SLFN13: variants seen among roughly 807,000 people sequenced by gnomAD.
The protein encoded by SLFN13 is schlafen family member 13, also known as schlafen-13.
A neutral mutation model predicts 50.6 loss-of-function variants in SLFN13; 43 were observed. That is an observed-to-expected ratio of 0.85 (90% CI 0.67 to 1.09). The LOEUF (loss-of-function observed/expected upper bound fraction) is 1.09. Ranked by LOEUF, SLFN13 falls within the 50% of genes least tolerant of loss-of-function variation. SLFN13 has a pLI of 0.00. For missense variants in SLFN13, 881 were observed against 1,071.1 expected, an observed-to-expected ratio of 0.82 and a Z score of 2.48; for synonymous variants, 339 against 386.5, an observed-to-expected ratio of 0.88 and a Z score of 1.44.
chr17:35,441,868 A>G lies in SLFN13; in HGVS notation c.1617T>C (p.Tyr539=). The change falls in exon 5 of 6, where the codon TAT becomes TAC. Residue 539 remains tyrosine (Y), a synonymous_variant. Transcript: ENST00000285013. ...AVSPMDYPAS[Y]SLAGTQHMEA... ...CCATGTGCTGGGTGCCTGCAAGGCT[A>G]TAGGACGCAGGGTAATCCATCGGAG... 6.4e-7 allele frequency: 1 copy of G among 1,574,720 alleles called. No individual in the cohort carries two copies. Among genetic ancestry groups the G allele is most frequent in the East Asian group, 2.3e-5 (1 of 43,856 alleles).
Position 35,441,076 on chromosome 17 carries a change from G to T in SLFN13, c.2213C>A (p.Ala738Asp). The change falls in exon 6 of 6, where the codon GCC (alanine) becomes GAC (aspartate). Residue 738 changes from alanine (A) to aspartate (D), a missense_variant. By Grantham distance (126) the Ala-to-Asp change is moderately radical. Transcript: ENST00000285013. ...TTGCATTTCTTGTTGTATGTACTCG[G>T]CTATTTCATCTGCATTGCGAACTAC... ...TRVVRNADEI[A>D]EYIQQEMQLI... 1 of 1,613,850 alleles carries T rather than the reference G, an allele frequency of 6.2e-7. No individual in the cohort carries two copies. The highest frequency in any genetic ancestry group is 8.5e-7 in the Non-Finnish European group (1 of 1,179,992).
upstream of SLFN13, among the ~76,000 whole-genome samples, chr17:35,449,194 CGCACCACT>C (rs1913381251): frequency 6.6e-6 from 1 of 151,588 alleles, no homozygotes; most frequent in South Asian, 2.1e-4. Context: ...GAGTCGAGAT[CGCACCACT>C]GCACTCCAGC....
intron 1 of SLFN13, chr17:35,448,288 A>T (rs1913332728): frequency 6.6e-6 from 1 of 152,298 alleles, no homozygotes; most frequent in South Asian, 2.1e-4. Flanking sequence ...CAACGGGGGA[A>T]GCCTCCAGGA....
At chr17:35,441,473 C>T in intron 5 of SLFN13, 90 bp downstream of exon 5, 1 of 1,594,070 alleles carries the variant, frequency 6.3e-7, no homozygotes, top group African/African-American at 1.4e-5. Context: ...GATCATTTTA[C>T]CACTCAATTC....
chr17:35,446,274 A>G (rs1913210190), intron 2 of SLFN13, among the ~76,000 whole-genome samples: 1 of 152,234 alleles, frequency 6.6e-6, no homozygotes, highest in Admixed American at 6.5e-5. Flanking sequence ...AGGTTTTAAG[A>G]TGTCTAATAC....
rs1398539991 is a variant in SLFN13, at chr17:35,435,110, T to C, written c.*5485A>G. The C allele has an allele frequency of 2.0e-5, 3 of 152,140 alleles. No homozygotes were observed. Among genetic ancestry groups the C allele is most frequent in the African/African-American group, 7.2e-5 (3 of 41,458 alleles). 9.4% of individuals were successfully genotyped at this position (152,140 alleles called of 1,614,324 possible). ...AAACATTCACAGAACTTTTAAATTA[T>C]GTTTTTATTAACTATTGAGTAGAAA... On this transcript the variant is annotated 3_prime_UTR_variant, in exon 6 of 6. Transcript: ENST00000285013.
rs1912619024 is a variant in SLFN13, at chr17:35,435,315, G to A, written c.*5280C>T. On this transcript the variant is annotated 3_prime_UTR_variant, in exon 6 of 6. Coordinates refer to ENST00000285013, the MANE Select transcript of SLFN13 (RefSeq NM_144682.6). ...GTGTTTTGCGGGGAGGGGGTTGGGG[G>A]GTTGTTCTGGTTGTTTTTAGCCCAC... The A allele has an allele frequency of 6.6e-6, 1 of 151,930 alleles. No individual in the cohort carries two copies. The allele number at this position is 151,930 out of a possible 1,614,324, so 9.4% of individuals were successfully genotyped here.
chr17:35,442,160 G>C lies in SLFN13; in HGVS notation c.1325C>G (p.Ser442Cys), dbSNP rs191162945. The stretch of plus-strand genomic sequence containing the variant: ...GTTCAGGTCCACAGCCCAGCTTCTA[G>C]AGAGGATCACAATTCCCTGGGAGAA... ...RPFSQGIVIL[S>C]RSWAVDLNLQ... The change falls in exon 5 of 6, where the codon TCT becomes TGT. Residue 442 changes from serine to cysteine, a missense_variant. Coordinates refer to ENST00000285013, the MANE Select transcript of SLFN13 (RefSeq NM_144682.6). The C allele has an allele frequency of 3.1e-6, 5 of 1,614,224 alleles. No homozygotes were observed. The East Asian group carries it at 1.1e-4, about 36-fold the overall frequency.
Position 35,444,663 on chromosome 17 carries a change from GGCGGAT to G in SLFN13, c.1012_1017del (p.Ile338_Arg339del). On this transcript the variant is annotated inframe_deletion, in exon 3 of 6. Coordinates refer to ENST00000285013, the MANE Select transcript of SLFN13 (RefSeq NM_144682.6). ...TCTACCCATTCCTCAGTTGTCAAGG[GGCGGAT>G]GTACTTCTCCCTCACCATCCATGAC... 6.2e-7 allele frequency: 1 copy of G among 1,614,160 alleles called. No homozygotes were observed. Among genetic ancestry groups the G allele is most frequent in the Non-Finnish European group, 8.5e-7 (1 of 1,180,036 alleles).
intron 4 of SLFN13, 36 bp from the exon 5 acceptor site, chr17:35,442,322 T>C (rs769570210): frequency 2.6e-5 from 39 of 1,521,626 alleles, no homozygotes; most frequent in Non-Finnish European, 3.3e-5. Context: ...GTTTTCACTG[T>C]GTTTATGTGA....
At chr17:35,445,749 C>A in intron 2 of SLFN13, 56 bp from the exon 3 acceptor site, 1 of 1,313,784 alleles carries the variant, frequency 7.6e-7, no homozygotes, top group South Asian at 1.5e-5. Flanking sequence ...TACAGGCCTG[C>A]AATTCATTTA....
In SLFN13 at chr17:35,440,758, A is replaced by T; in HGVS notation, c.2531T>A (p.Met844Lys). ...GTCCAACACAATGTGCACACCCAACATATCACATGCATCACTGAGCTGCAC... is the reference window on the plus strand; with the variant it reads ...GTCCAACACAATGTGCACACCCAACTTATCACATGCATCACTGAGCTGCAC... ...MVVQLSDACDMLGVHIVLDSV... is the reference protein window; with the variant it reads ...MVVQLSDACDKLGVHIVLDSV... Residue 844 changes from methionine to lysine, a missense_variant, in exon 6 of 6, where the codon ATG becomes AAG. Physicochemically the swap from Met to Lys is moderately conservative, Grantham distance 95. Around this residue, in one of 5 missense-constraint regions of SLFN13, gnomAD observed 322 missense variants for 327.4 expected, o/e 0.98. Coordinates refer to ENST00000285013, the MANE Select transcript of SLFN13 (RefSeq NM_144682.6). 1 of 1,614,022 alleles carries T rather than the reference A, an allele frequency of 6.2e-7. No homozygotes were observed.
At position 35,438,922 on chromosome 17, in the gene SLFN13, T is replaced by A. The variant is rs560678436; in HGVS notation, c.*1673A>T. ...CATTGTTAAGTATCAGTGTTTTTAG[T>A]TTGATGAATGATCATACAGCTGTGT... On this transcript the variant is annotated 3_prime_UTR_variant, in exon 6 of 6. Coordinates refer to ENST00000285013, the MANE Select transcript of SLFN13 (RefSeq NM_144682.6). 1.5e-4 allele frequency: 23 copies of A among 152,222 alleles called. No homozygotes were observed. The East Asian group carries it at 4.0e-3, about 27-fold the overall frequency. 9.4% of individuals were successfully genotyped at this position (152,222 alleles called of 1,614,324 possible).
Position 35,445,334 on chromosome 17 carries a change from G to A in SLFN13, c.347C>T (p.Pro116Leu), listed in dbSNP as rs145618678. Residue 116 changes from proline (P) to leucine (L), a missense_variant, in exon 3 of 6, where the codon CCT becomes CTT. Pro to Leu is a moderately conservative substitution (Grantham distance 98). Around this residue, in one of 5 missense-constraint regions of SLFN13, gnomAD observed 497 missense variants for 518.3 expected, o/e 0.96. Coordinates refer to ENST00000285013, the MANE Select transcript of SLFN13 (RefSeq NM_144682.6). ...YIFVKSWSGD[P>L]FLKDGSFNSR... ...ATTGAAAGAACCATCTTTAAGGAAA[G>A]GATCACCACTCCAAGATTTAACAAA... is the stretch of plus-strand genomic sequence containing the variant. The A allele has an allele frequency of 6.2e-7, 1 of 1,613,736 alleles. No individual in the cohort carries two copies. The highest frequency in any genetic ancestry group is 2.2e-5 in the East Asian group (1 of 44,880).
At position 35,440,637 on chromosome 17, in the gene SLFN13, A is replaced by G. The variant is rs1468856754; in HGVS notation, c.2652T>C (p.Cys884=). ...GGTGCTGTTTTGCCCTGGAAGCCAGACAGATCAGAATATTGGGTAAGATAG... is the reference window on the plus strand; with the variant it reads ...GGTGCTGTTTTGCCCTGGAAGCCAGGCAGATCAGAATATTGGGTAAGATAG... ...DPAILPNILI[C]LASRAKQHLY... Residue 884 remains cysteine (C), a synonymous_variant, in exon 6 of 6, where the codon TGT becomes TGC. Coordinates refer to ENST00000285013, the MANE Select transcript of SLFN13 (RefSeq NM_144682.6). The G allele has an allele frequency of 7.4e-6, 12 of 1,614,168 alleles. No homozygotes were observed. Among genetic ancestry groups the G allele is most frequent in the Non-Finnish European group, 1.0e-5 (12 of 1,180,022 alleles).
rs1370445108 is a variant in SLFN13 at position 35,438,101 on chromosome 17, T to C, written c.*2494A>G. 1.5e-5 allele frequency: 2 copies of C among 129,398 alleles called. 1 individual carries two copies. Among genetic ancestry groups the C allele is most frequent in the South Asian group, 5.4e-4 (2 of 3,732 alleles). The allele number at this position is 129,398 out of a possible 1,614,324, so 8.0% of individuals were successfully genotyped here. On this transcript the variant is annotated 3_prime_UTR_variant, in exon 6 of 6. Coordinates refer to ENST00000285013, the MANE Select transcript of SLFN13 (RefSeq NM_144682.6). ...GCCTGGGAAACACAGTGAGACCTTT[T>C]CTCTTTAAAAAAAAAAAAAAAAAAA...
At chr17:35,445,954 G>C (rs756593637) in intron 2 of SLFN13, 1 of 306,162 alleles carries the variant, frequency 3.3e-6, no homozygotes, top group African/African-American at 2.2e-5. Context: ...TGGAGACCAT[G>C]GTTCCATAAG....
At position 35,445,214 on chromosome 17, in the gene SLFN13, G is replaced by T; in HGVS notation, c.467C>A (p.Thr156Asn). ...NSRQAFDFLK[T>N]KERQSKYNLI... ...ATTATATTTGGACTGTCTTTCCTTG[G>T]TCTTCAGGAAATCGAATGCCTGTCT... Residue 156 changes from threonine to asparagine, a missense_variant, in exon 3 of 6, where the codon ACC becomes AAC. By Grantham distance (65) the Thr-to-Asn change is moderately conservative. Transcript: ENST00000285013. The T allele has an allele frequency of 1.9e-6, 3 of 1,613,794 alleles. No homozygotes were observed. The highest frequency in any genetic ancestry group is 2.2e-5 in the East Asian group (1 of 44,862).
Position 35,444,616 on chromosome 17 carries a change from T to C in SLFN13, c.1065A>G (p.Pro355=), listed in dbSNP as rs1179480497. 6.2e-7 allele frequency: 1 copy of C among 1,612,924 alleles called. No homozygotes were observed. The highest frequency in any genetic ancestry group is 1.1e-5 in the South Asian group (1 of 91,006). Residue 355 remains proline (P), a splice_region_variant and synonymous_variant, in exon 3 of 6, where the codon CCA becomes CCG. Coordinates refer to ENST00000285013, the MANE Select transcript of SLFN13 (RefSeq NM_144682.6). ...EWVEKMMDAD[P]EFPPDFAEAF... ...AGGGAGAATCTGGTTCCCTCTTACCTGGATCTGCGTCCATCATTTTCTCTA... is the reference window on the plus strand; with the variant it reads ...AGGGAGAATCTGGTTCCCTCTTACCCGGATCTGCGTCCATCATTTTCTCTA...
Sources: allele counts gnomAD v4.1 joint callset (sites outside exome capture counted in the v4.1 genomes callset), GRCh38; gene constraint gnomAD v4.1.1; regional missense constraint gnomAD v4.1.1; transcripts MANE v1.5; gene names NCBI Gene and HGNC (gene_info 2026-07-23, HGNC 2026-07-21).